CD109: variants seen among roughly 807,000 people sequenced by gnomAD.
The protein encoded by CD109 is CD109 molecule.
In CD109, 149 loss-of-function variants were observed where a neutral mutation model predicts 165.8. The observed-to-expected ratio is 0.90, with a 90% CI of 0.79 to 1.03. The LOEUF is 1.03. CD109 is among the 50% of genes least tolerant of loss of function. The probability of loss-of-function intolerance (pLI) is 0.00; values close to 1 mark genes in which losing one functional copy is unlikely to be tolerated. For synonymous variants in CD109, 585 were observed against 592.1 expected, an observed-to-expected ratio of 0.99 and a Z score of 0.18; for missense variants, 1,712 against 1,677.8, an observed-to-expected ratio of 1.02 and a Z score of -0.36.
chr6:73,816,926 C>T (rs2150308405), intron 30 of CD109, among the ~76,000 whole-genome samples: 1 of 152,136 alleles, frequency 6.6e-6, no homozygotes, highest in South Asian at 2.1e-4. Context: ...GCAGGATTTC[C>T]AGTTTTAAGC....
chr6:73,730,492 C>A lies in CD109; in HGVS notation c.425C>A (p.Pro142Gln). ...FIQTDKALYK[P>Q]KQEVKFRIVT... The stretch of plus-strand genomic sequence containing the variant: ...CAAACAGACAAGGCCTTATACAAGC[C>A]AAAGCAAGAAGTGAAGTTTCGCATT... Residue 142 changes from proline to glutamine, a missense_variant, in exon 4 of 33, where the codon CCA (proline) becomes CAA (glutamine). Transcript: ENST00000287097. 1 of 1,614,040 alleles carries A rather than the reference C, an allele frequency of 6.2e-7. No homozygotes were observed. The highest frequency in any genetic ancestry group is 8.5e-7 in the Non-Finnish European group (1 of 1,179,936).
chr6:73,824,339 C>T lies in CD109; in HGVS notation c.*706C>T, dbSNP rs1776208541. ...AGGTTGAGGAGCATACTGAAAATTGCCCTGGGGGGTGCTGGGTGTGCTGTC... is the reference window on the plus strand; with the variant it reads ...AGGTTGAGGAGCATACTGAAAATTGTCCTGGGGGGTGCTGGGTGTGCTGTC... On this transcript the variant is annotated 3_prime_UTR_variant, in exon 33 of 33. Transcript: ENST00000287097. The T allele has an allele frequency of 1.3e-5, 2 of 152,156 alleles. No homozygotes were observed. Among genetic ancestry groups the T allele is most frequent in the African/African-American group, 2.4e-5 (1 of 41,390 alleles). The allele number at this position is 152,156 out of a possible 1,614,324, so 9.4% of individuals were successfully genotyped here.
chr6:73,742,413 C>G (rs1772823065), intron 5 of CD109, among the ~76,000 whole-genome samples: 1 of 152,142 alleles, frequency 6.6e-6, no homozygotes, highest in African/African-American at 2.4e-5. Flanking sequence ...GTTTTTGCAT[C>G]TATGATTTAA....
At chr6:73,799,095 ACT>A (rs1456895655) in intron 23 of CD109, among the ~76,000 whole-genome samples, 1 of 150,598 alleles carries the variant, frequency 6.6e-6, no homozygotes, top group African/African-American at 2.5e-5. Context: ...AATGTCCTGG[ACT>A]CTCTTGCTGA....
chr6:73,752,730 C>T (rs181181682), intron 5 of CD109, among the ~76,000 whole-genome samples: 2 of 152,222 alleles, frequency 1.3e-5, no homozygotes, highest in East Asian at 3.9e-4. Context: ...CTTCTCTTGC[C>T]TGGGGAGGTG....
At chr6:73,692,519 C>T (rs946576483), upstream of CD109, among the ~76,000 whole-genome samples, 3 of 152,066 alleles carry the variant, frequency 2.0e-5, no homozygotes, top group African/African-American at 7.2e-5. Context: ...TTCTTCAGTG[C>T]ATAGATCTGT....
chr6:73,823,116 TGAG>T (rs1238442819), intron 32 of CD109, among the ~76,000 whole-genome samples: 2 of 152,200 alleles, frequency 1.3e-5, no homozygotes, highest in Admixed American at 6.5e-5. Context: ...AATAAACTCT[TGAG>T]GAGGTTAAAC....
At chr6:73,793,529 A>G (rs527300077) in intron 23 of CD109, among the ~76,000 whole-genome samples, 1 of 152,292 alleles carries the variant, frequency 6.6e-6, no homozygotes, top group South Asian at 2.1e-4. Context: ...TTTTTTGCAG[A>G]TGAGGAAGCT....
intron 5 of CD109, among the ~76,000 whole-genome samples, chr6:73,741,726 C>A (rs1479558662): frequency 6.6e-6 from 1 of 152,124 alleles, no homozygotes; most frequent in African/African-American, 2.4e-5. Context: ...GTCTGGAGTG[C>A]AGTGTGCAAT....
chr6:73,698,446 A>G (rs1770938445), intron 2 of CD109, among the ~76,000 whole-genome samples: 1 of 152,056 alleles, frequency 6.6e-6, no homozygotes, highest in African/African-American at 2.4e-5. Context: ...TGGCCTCCCA[A>G]AGTGCTGGGA....
intron 5 of CD109, among the ~76,000 whole-genome samples, chr6:73,743,309 G>A (rs909343553): frequency 1.3e-5 from 2 of 152,194 alleles, no homozygotes; most frequent in African/African-American, 4.8e-5. Flanking sequence ...GCCATTGTTA[G>A]AGGTGGGGAA....
intron 2 of CD109, 121 bp from the exon 3 acceptor site, chr6:73,723,130 C>G: frequency 6.4e-7 from 1 of 1,560,526 alleles, no homozygotes; most frequent in Non-Finnish European, 8.6e-7. Context: ...TTTGGTTTCA[C>G]CAAATGTATT....
At chr6:73,815,359 A>G (rs1037766204) in intron 30 of CD109, among the ~76,000 whole-genome samples, 3 of 152,228 alleles carry the variant, frequency 2.0e-5, no homozygotes, top group South Asian at 4.1e-4. Context: ...TGAATAGAAC[A>G]GTGTATATAT....
Position 73,818,446 on chromosome 6 carries a change from T to C in CD109, c.3970T>C (p.Phe1324Leu), listed in dbSNP as rs761886848. 3 of 1,613,868 alleles carry C rather than the reference T, an allele frequency of 1.9e-6. No homozygotes were observed. Among genetic ancestry groups the C allele is most frequent in the South Asian group, 2.2e-5 (2 of 91,058 alleles). ...ALMEVNLLSGFMVPSEAISLS... is the reference protein window; with the variant it reads ...ALMEVNLLSGLMVPSEAISLS... ...TATGGAAGTTAACCTATTAAGTGGC[T>C]TTATGGTGCCTTCAGAAGCAATTTC... The change falls in exon 31 of 33, where the codon TTT (phenylalanine) becomes CTT (leucine). Residue 1324 changes from phenylalanine to leucine, a missense_variant. By Grantham distance (22) the Phe-to-Leu change is conservative. Coordinates refer to ENST00000287097, the MANE Select transcript of CD109 (RefSeq NM_133493.5).
chr6:73,734,515 T>G (rs1302012065), intron 4 of CD109, among the ~76,000 whole-genome samples: 1 of 152,272 alleles, frequency 6.6e-6, no homozygotes, highest in Non-Finnish European at 1.5e-5. Context: ...TCCTGAGCCT[T>G]TGAACTTCAT....
intron 4 of CD109, 85 bp from the exon 5 acceptor site, chr6:73,736,298 G>A (rs895374411): frequency 9.3e-6 from 13 of 1,405,106 alleles, no homozygotes; most frequent in Non-Finnish European, 1.2e-5. Flanking sequence ...GGGTGGGAAT[G>A]CTGCAAGGCA....
At chr6:73,739,619 C>T (rs186653754) in intron 5 of CD109, among the ~76,000 whole-genome samples, 95 of 152,128 alleles carry the variant, frequency 6.2e-4, no homozygotes, top group African/African-American at 1.7e-3. Context: ...GAAGCCGAGG[C>T]GGGCGGATCA....
At chr6:73,718,811 G>T (rs1771839105) in intron 2 of CD109, among the ~76,000 whole-genome samples, 2 of 151,910 alleles carry the variant, frequency 1.3e-5, no homozygotes, top group African/African-American at 4.8e-5. Context: ...CTCTGTAAGT[G>T]GTATGTACTA....
intron 15 of CD109, among the ~76,000 whole-genome samples, chr6:73,776,936 A>G (rs1426417551): frequency 6.7e-6 from 1 of 148,856 alleles, no homozygotes; most frequent in African/African-American, 2.5e-5. Context: ...GGCCTCATGT[A>G]TGCATGTATG....
Sources: gnomAD v4.1 joint callset for allele counts (sites outside exome capture counted in the v4.1 genomes callset) on GRCh38, gnomAD v4.1.1 for gene constraint, MANE v1.5 for transcripts, NCBI Gene and HGNC (gene_info 2026-07-23, HGNC 2026-07-21) for gene names.